Variants in TCF7L1 observed in about 807,000 individuals in gnomAD.
TCF7L1 encodes transcription factor 7 like 1, also known as transcription factor 7-like 1.
A neutral mutation model predicts 63.7 loss-of-function variants in TCF7L1; 18 were observed. That is an observed-to-expected ratio of 0.28 (90% confidence interval 0.20 to 0.42). TCF7L1 has a LOEUF of 0.42. Ranked by LOEUF, TCF7L1 falls within the 10% of genes least tolerant of loss-of-function variation. TCF7L1 has a pLI of 1.00. For synonymous variants in TCF7L1, 355 were observed against 340.9 expected, an observed-to-expected ratio of 1.04 and a Z score of -0.46; for missense variants, 654 against 779.3, an observed-to-expected ratio of 0.84 and a Z score of 1.91.
intron 3 of TCF7L1, among the ~76,000 whole-genome samples, chr2:85,227,636 A>G (rs1279171642): frequency 2.0e-5 from 3 of 152,140 alleles, no homozygotes; most frequent in Non-Finnish European, 4.4e-5. Flanking sequence ...TACCATTCTA[A>G]TAGAAACCAG....
At chr2:85,221,166 G>A (rs1363996697) in intron 3 of TCF7L1, among the ~76,000 whole-genome samples, 1 of 151,916 alleles carries the variant, frequency 6.6e-6, no homozygotes, top group East Asian at 1.9e-4. Context: ...TTAAGTTCAC[G>A]CTGACACCAA....
chr2:85,157,074 T>G (rs1411721682), intron 3 of TCF7L1, among the ~76,000 whole-genome samples: 1 of 152,230 alleles, frequency 6.6e-6, no homozygotes, highest in African/African-American at 2.4e-5. Flanking sequence ...CATATACACA[T>G]ATTATATATA....
At chr2:85,191,309 A>G (rs534548101) in intron 3 of TCF7L1, among the ~76,000 whole-genome samples, 1 of 152,314 alleles carries the variant, frequency 6.6e-6, no homozygotes, top group Admixed American at 6.5e-5. Context: ...ACTTAACATG[A>G]CATTGGTTTC....
chr2:85,235,576 T>C (rs1680171280), intron 3 of TCF7L1, among the ~76,000 whole-genome samples: 1 of 152,106 alleles, frequency 6.6e-6, no homozygotes, highest in African/African-American at 2.4e-5. Context: ...AATCCCTACC[T>C]GCAGCCCAGA....
Position 85,153,340 on chromosome 2 carries a change from A to ATTTTTTTTTTTTTTTTTTTTTTTTTT in TCF7L1, c.441+18909_441+18910insTTTTTTTTTTTTTTTTTTTTTTTTTT, listed in dbSNP as rs66697146. Among the ~76,000 whole-genome samples, 56 of 102,270 alleles carry ATTTTTTTTTTTTTTTTTTTTTTTTTT rather than the reference A, an allele frequency of 5.5e-4. 6 individuals carry two copies. Among genetic ancestry groups the ATTTTTTTTTTTTTTTTTTTTTTTTTT allele is most frequent in the African/African-American group, 2.2e-3 (52 of 23,752 alleles). The allele number at this position is 102,270 out of a possible 152,430, so 67.1% of individuals were successfully genotyped here. On this transcript the variant is annotated intron_variant, in intron 3 of 11. Transcript: ENST00000282111. ...TTCATGATCTTGCTAGCCTTTATAA[A>ATTTTTTTTTTTTTTTTTTTTTTTTTT]TTTTTTTTTTTTTTTTTTTGAGATG...
chr2:85,269,055 G>A (rs1260456272), intron 3 of TCF7L1, among the ~76,000 whole-genome samples: 1 of 151,906 alleles, frequency 6.6e-6, no homozygotes, highest in African/African-American at 2.4e-5. Context: ...AGAGAGAGAT[G>A]GTAGATCTCG....
chr2:85,161,616 A>G (rs1220747777), intron 3 of TCF7L1, among the ~76,000 whole-genome samples: 1 of 152,250 alleles, frequency 6.6e-6, no homozygotes, highest in Non-Finnish European at 1.5e-5. Context: ...CTGGGGAGCC[A>G]GGTTAACACG....
chr2:85,151,062 T>A (rs1221562047), intron 3 of TCF7L1, among the ~76,000 whole-genome samples: 1 of 152,208 alleles, frequency 6.6e-6, no homozygotes, highest in Admixed American at 6.5e-5. Flanking sequence ...CTCTCATTTT[T>A]AAAAAATAAC....
intron 11 of TCF7L1, among the ~76,000 whole-genome samples, 178 bp from the exon 12 acceptor site, chr2:85,308,848 TCTC>T (rs1486550003): frequency 1.3e-5 from 2 of 152,174 alleles, no homozygotes; most frequent in Admixed American, 1.3e-4. Flanking sequence ...CGTTGCCTCT[TCTC>T]TGTGCTCTGG....
Position 85,222,348 on chromosome 2 carries a change from A to AC in TCF7L1, c.442-61147_442-61146insC, listed in dbSNP as rs199915599. On this transcript the variant is annotated intron_variant, in intron 3 of 11. Coordinates refer to ENST00000282111, the MANE Select transcript of TCF7L1 (RefSeq NM_031283.3). ...AGAGTGAGACTCCATCTCAAAAAAA[A>AC]AAACAAACAAACAAACAAAAAAAAA... Among the ~76,000 whole-genome samples the AC allele has an allele frequency of 9.6e-3, 1,417 of 147,704 alleles. 23 individuals carry two copies. The highest frequency in any genetic ancestry group is 0.033 in the African/African-American group (1,336 of 40,394).
intron 3 of TCF7L1, among the ~76,000 whole-genome samples, chr2:85,186,209 C>T (rs1678919007): frequency 6.6e-6 from 1 of 152,068 alleles, no homozygotes; most frequent in Admixed American, 6.5e-5. Context: ...CCTCGTGATC[C>T]GCCTGCCTCG....
chr2:85,175,433 C>T (rs1678657671), intron 3 of TCF7L1, among the ~76,000 whole-genome samples: 1 of 152,210 alleles, frequency 6.6e-6, no homozygotes, highest in African/African-American at 2.4e-5. Flanking sequence ...CCAGCAAGAC[C>T]CCTGATAACG....
At chr2:85,141,211 G>T (rs932843579) in intron 3 of TCF7L1, among the ~76,000 whole-genome samples, 2 of 72,946 alleles carry the variant, frequency 2.7e-5, no homozygotes, top group African/African-American at 5.9e-5. Context: ...CCCCAGCTTG[G>T]GTGACAGACA....
At chr2:85,137,894 A>G (rs935836212) in intron 3 of TCF7L1, among the ~76,000 whole-genome samples, 2 of 144,818 alleles carry the variant, frequency 1.4e-5, no homozygotes, top group Non-Finnish European at 3.0e-5. Context: ...CTCTGCCTCA[A>G]AAAAAAAAAA....
intron 3 of TCF7L1, among the ~76,000 whole-genome samples, chr2:85,277,739 A>G (rs1250515912): frequency 6.6e-6 from 1 of 152,128 alleles, no homozygotes; most frequent in Middle Eastern, 3.2e-3. Flanking sequence ...TTTGGAGCTG[A>G]CTTGTTTTCC....
chr2:85,144,739 GTGTGTGTGTGTA>G (rs1381780960), intron 3 of TCF7L1, among the ~76,000 whole-genome samples: 20 of 149,034 alleles, frequency 1.3e-4, no homozygotes, highest in African/African-American at 4.6e-4. Context: ...GTGTGTGTGT[GTGTGTGTGTGTA>G]TGTGTGTGTG....
chr2:85,309,210 C>T lies in TCF7L1; in HGVS notation c.1515C>T (p.Leu505=). ...THSEQAQPLS[L]TTKPETRAQL... is the part of the protein sequence containing the mutation. ...CGGAGCAAGCCCAGCCCCTCTCCCT[C>T]ACCACCAAACCAGAAACCCGGGCCC... The change falls in exon 12 of 12, where the codon CTC becomes CTT. Residue 505 remains leucine, a synonymous_variant. Coordinates refer to ENST00000282111, the MANE Select transcript of TCF7L1 (RefSeq NM_031283.3). 1.9e-6 allele frequency: 3 copies of T among 1,614,144 alleles called. No homozygotes were observed. The highest frequency in any genetic ancestry group is 2.2e-5 in the East Asian group (1 of 44,884).
intron 3 of TCF7L1, among the ~76,000 whole-genome samples, chr2:85,180,390 C>G (rs1333111927): frequency 6.6e-6 from 1 of 151,804 alleles, no homozygotes; most frequent in Admixed American, 6.6e-5. Flanking sequence ...TTTTGTTGAA[C>G]AGTGTGTGAG....
intron 3 of TCF7L1, among the ~76,000 whole-genome samples, chr2:85,210,942 C>T (rs72840149): frequency 0.046 from 6,955 of 152,236 alleles, 178 homozygotes; most frequent in Middle Eastern, 0.054. Context: ...CAGGAACCTG[C>T]GCGAGGCACC....
Sources: allele counts gnomAD v4.1 joint callset (sites outside exome capture counted in the v4.1 genomes callset), GRCh38; gene constraint gnomAD v4.1.1; transcripts MANE v1.5; gene names NCBI Gene and HGNC (gene_info 2026-07-23, HGNC 2026-07-21).